SPAG16: variants seen among roughly 807,000 people sequenced by gnomAD.
The protein encoded by SPAG16 is sperm associated antigen 16, also known as sperm-associated antigen 16 protein.
A neutral mutation model predicts 80.4 loss-of-function variants in SPAG16; 86 were observed. That is an observed-to-expected ratio of 1.07 (90% CI 0.90 to 1.28). The LOEUF is 1.28. SPAG16 is among the 50% of genes most tolerant of loss of function. The pLI is 0.00. For missense variants in SPAG16, 870 were observed against 765.3 expected, an observed-to-expected ratio of 1.14 and a Z score of -1.61; for synonymous variants, 294 against 265.9, an observed-to-expected ratio of 1.11 and a Z score of -1.03.
intron 10 of SPAG16, among the ~76,000 whole-genome samples, chr2:213,635,999 G>A (rs1055229151): frequency 3.3e-5 from 5 of 152,100 alleles, no homozygotes; most frequent in Non-Finnish European, 7.4e-5. Context: ...TTGCTTTTGG[G>A]TACTTGGTCA....
At chr2:213,525,799 C>A (rs2075867103) in intron 10 of SPAG16, among the ~76,000 whole-genome samples, 1 of 151,640 alleles carries the variant, frequency 6.6e-6, no homozygotes, top group Non-Finnish European at 1.5e-5. Context: ...CTAGGTAGAG[C>A]AATAATAGAT....
intron 15 of SPAG16, among the ~76,000 whole-genome samples, chr2:214,390,341 TAAAAA>T (rs756833750): frequency 2.6e-4 from 32 of 125,458 alleles, no homozygotes; most frequent in African/African-American, 1.0e-3. Flanking sequence ...CTTTTTTTTT[TAAAAA>T]AAAAAAAAAA....
chr2:213,842,454 A>G (rs1198936420), intron 10 of SPAG16, among the ~76,000 whole-genome samples: 1 of 152,134 alleles, frequency 6.6e-6, no homozygotes, highest in Non-Finnish European at 1.5e-5. Flanking sequence ...CAATTCATAT[A>G]TAAGTAGTTG....
intron 13 of SPAG16, among the ~76,000 whole-genome samples, chr2:214,027,239 A>G (rs1053770932): frequency 6.6e-6 from 1 of 151,602 alleles, no homozygotes; most frequent in Admixed American, 6.6e-5. Flanking sequence ...ATAGCATACT[A>G]TAAATATTAT....
chr2:214,225,244 T>C (rs565860609), intron 15 of SPAG16, among the ~76,000 whole-genome samples: 44 of 152,320 alleles, frequency 2.9e-4, no homozygotes, highest in Admixed American at 1.6e-3. Context: ...CCAAATATTG[T>C]AGGGCCTTGC....
At chr2:213,685,125 G>C (rs918184106) in intron 10 of SPAG16, among the ~76,000 whole-genome samples, 2 of 152,216 alleles carry the variant, frequency 1.3e-5, no homozygotes, top group African/African-American at 4.8e-5. Context: ...GCAAGAAGGA[G>C]TGTAACAAAC....
At chr2:213,994,530 GTTA>G (rs1471168830) in intron 12 of SPAG16, among the ~76,000 whole-genome samples, 1 of 149,364 alleles carries the variant, frequency 6.7e-6, no homozygotes, top group Non-Finnish European at 1.5e-5. Flanking sequence ...TTACAGTTCA[GTTA>G]TTATTCACAT....
chr2:213,963,332 T>A (rs987604467), intron 12 of SPAG16, among the ~76,000 whole-genome samples: 10 of 152,282 alleles, frequency 6.6e-5, no homozygotes, highest in South Asian at 2.1e-4. Flanking sequence ...CTATATTTTT[T>A]AAAATTTCTC....
chr2:214,059,214 A>G (rs1299599938), intron 13 of SPAG16, among the ~76,000 whole-genome samples: 68 of 92,580 alleles, frequency 7.3e-4, no homozygotes, highest in African/African-American at 2.5e-3. Flanking sequence ...ATATATATAT[A>G]TGTATGTGTA....
chr2:213,924,204 G>A (rs4672695), intron 11 of SPAG16, among the ~76,000 whole-genome samples: 88,928 of 152,046 alleles, frequency 0.58, 27,825 homozygotes, highest in South Asian at 0.84. Flanking sequence ...CTGCTCTGGG[G>A]TTAAAGGCTT....
At chr2:213,495,876 CA>C (rs1553546575) in intron 10 of SPAG16, among the ~76,000 whole-genome samples, 5 of 152,196 alleles carry the variant, frequency 3.3e-5, no homozygotes, top group South Asian at 2.1e-4. Flanking sequence ...AGGGGTCCGG[CA>C]TGGACAGAAT....
intron 12 of SPAG16, among the ~76,000 whole-genome samples, chr2:214,003,904 G>C (rs911484456): frequency 6.6e-6 from 1 of 152,066 alleles, no homozygotes; most frequent in Non-Finnish European, 1.5e-5. Flanking sequence ...CTACAGCCAA[G>C]GGCTGTTTTA....
chr2:213,691,667 T>G (rs2064948480), intron 10 of SPAG16, among the ~76,000 whole-genome samples: 1 of 152,230 alleles, frequency 6.6e-6, no homozygotes. Flanking sequence ...GCCCTGCACT[T>G]CAATTTTTAA....
Position 213,395,475 on chromosome 2 carries a change from C to T in SPAG16, c.942+20356C>T, listed in dbSNP as rs188963954. On this transcript the variant is annotated intron_variant, in intron 9 of 15. Coordinates refer to ENST00000331683, the MANE Select transcript of SPAG16 (RefSeq NM_024532.5). ...ACTTCCATCAAGTCTTCCTCTTTGA[C>T]GTATAGATTATTTAGAAGTGTGCTG... Among the ~76,000 whole-genome samples, 59 of 152,168 alleles carry T rather than the reference C, an allele frequency of 3.9e-4. 1 individual carries two copies. The highest frequency in any genetic ancestry group is 3.1e-3 in the South Asian group (15 of 4,826).
At chr2:214,397,106 T>A (rs1255449599) in intron 15 of SPAG16, among the ~76,000 whole-genome samples, 1 of 151,710 alleles carries the variant, frequency 6.6e-6, no homozygotes, top group Non-Finnish European at 1.5e-5. Flanking sequence ...TTAATAATCA[T>A]AGTATCTAGT....
intron 14 of SPAG16, among the ~76,000 whole-genome samples, chr2:214,124,076 G>A (rs975300386): frequency 9.9e-5 from 15 of 151,956 alleles, no homozygotes; most frequent in Non-Finnish European, 1.9e-4. Flanking sequence ...ACTAGGAAGT[G>A]TCAGAAAGTC....
chr2:214,181,360 A>T (rs556029947), intron 15 of SPAG16, among the ~76,000 whole-genome samples: 3 of 151,950 alleles, frequency 2.0e-5, no homozygotes, highest in Admixed American at 2.0e-4. Context: ...ATGGTACAAA[A>T]TAGAGGCCTC....
intron 12 of SPAG16, among the ~76,000 whole-genome samples, chr2:213,976,156 G>GT (rs2045380050): frequency 2.7e-5 from 3 of 112,074 alleles, no homozygotes; most frequent in South Asian, 5.6e-4. Flanking sequence ...ACACACACAC[G>GT]TATGTATATA....
chr2:214,116,338 T>A (rs1267017156), intron 14 of SPAG16, among the ~76,000 whole-genome samples: 1 of 152,204 alleles, frequency 6.6e-6, no homozygotes, highest in Admixed American at 6.5e-5. Context: ...GACTTGCCCA[T>A]ATTCTCTCAA....
Sources: allele counts gnomAD v4.1 joint callset (sites outside exome capture counted in the v4.1 genomes callset), GRCh38; gene constraint gnomAD v4.1.1; transcripts MANE v1.5; gene names NCBI Gene and HGNC (gene_info 2026-07-23, HGNC 2026-07-21).